AUH: variants seen among roughly 807,000 people sequenced by gnomAD.
AUH encodes the protein AU RNA binding methylglutaconyl-CoA hydratase.
In AUH, 29 loss-of-function variants were observed where a neutral mutation model predicts 42.3. The ratio of observed to expected loss-of-function variants is 0.69; its 90% CI spans 0.51 to 0.93. The LOEUF (loss-of-function observed/expected upper bound fraction) is 0.93. Ranked by LOEUF, AUH falls within the 40% of genes least tolerant of loss-of-function variation. AUH has a pLI of 0.00. For synonymous variants in AUH, 174 were observed against 166.4 expected (o/e 1.05, Z -0.35); for missense variants, 452 against 438.1 (o/e 1.03, Z -0.28).
At chr9:91,266,568 G>A (rs1829990013) in intron 6 of AUH, among the ~76,000 whole-genome samples, 1 of 152,024 alleles carries the variant, frequency 6.6e-6, no homozygotes, top group Non-Finnish European at 1.5e-5. Context: ...TGGCTCATAT[G>A]GGTAAGGATT....
chr9:91,341,470 C>A (rs1831095744), intron 3 of AUH, among the ~76,000 whole-genome samples: 1 of 152,244 alleles, frequency 6.6e-6, no homozygotes, highest in Non-Finnish European at 1.5e-5. Context: ...TTAATCTCCA[C>A]TGGTTAAATT....
intron 4 of AUH, among the ~76,000 whole-genome samples, chr9:91,321,677 G>A (rs1829585180): frequency 6.6e-6 from 1 of 152,164 alleles, no homozygotes; most frequent in South Asian, 2.1e-4. Context: ...CAGACCCACT[G>A]CCTGTTTTAG....
At chr9:91,347,537 C>T (rs182057575) in intron 3 of AUH, among the ~76,000 whole-genome samples, 1 of 152,042 alleles carries the variant, frequency 6.6e-6, no homozygotes, top group Non-Finnish European at 1.5e-5. Flanking sequence ...GACAAGCTGC[C>T]CCCCCATCCT....
chr9:91,341,757 G>C (rs571440533), intron 3 of AUH, among the ~76,000 whole-genome samples: 1 of 152,338 alleles, frequency 6.6e-6, no homozygotes, highest in East Asian at 1.9e-4. Flanking sequence ...GGGGGAGGCT[G>C]ACTGATAATC....
chr9:91,247,302 T>C (rs1375566163), intron 6 of AUH, among the ~76,000 whole-genome samples: 1 of 152,006 alleles, frequency 6.6e-6, no homozygotes, highest in African/African-American at 2.4e-5. Context: ...TAACTCTCAC[T>C]CCCCATAAAG....
chr9:91,276,290 G>A (rs1186188667), intron 6 of AUH, among the ~76,000 whole-genome samples: 2 of 152,106 alleles, frequency 1.3e-5, no homozygotes, highest in South Asian at 2.1e-4. Context: ...CATTAGCCGG[G>A]TGTGGTGGCG....
intron 6 of AUH, among the ~76,000 whole-genome samples, chr9:91,239,248 C>G (rs1399329184): frequency 6.6e-6 from 1 of 151,870 alleles, no homozygotes; most frequent in Non-Finnish European, 1.5e-5. Context: ...AACAAATCTT[C>G]CAAGTTAAAA....
intron 6 of AUH, among the ~76,000 whole-genome samples, chr9:91,249,418 A>G (rs1459771682): frequency 4.6e-5 from 7 of 151,978 alleles, no homozygotes; most frequent in Non-Finnish European, 1.0e-4. Context: ...CAAAGAAACA[A>G]TATCTCACAC....
intron 3 of AUH, among the ~76,000 whole-genome samples, chr9:91,347,866 C>G (rs1000581792): frequency 6.6e-6 from 1 of 151,356 alleles, no homozygotes; most frequent in African/African-American, 2.4e-5. Flanking sequence ...TGTATACATA[C>G]GTAACAAACC....
intron 9 of AUH, among the ~76,000 whole-genome samples, chr9:91,215,394 T>C (rs1022810957): frequency 2.6e-5 from 4 of 152,180 alleles, no homozygotes; most frequent in African/African-American, 4.8e-5. Context: ...TCCTCCTGTA[T>C]ACTTTAAATC....
intron 6 of AUH, among the ~76,000 whole-genome samples, chr9:91,271,301 C>T (rs1825104477): frequency 6.6e-6 from 1 of 152,228 alleles, no homozygotes; most frequent in African/African-American, 2.4e-5. Context: ...GTGGTATGTG[C>T]ATTTGCTTGC....
intron 6 of AUH, among the ~76,000 whole-genome samples, chr9:91,239,771 G>A (rs998631242): frequency 3.9e-5 from 6 of 151,992 alleles, no homozygotes; most frequent in Admixed American, 6.6e-5. Context: ...ACACACGCAC[G>A]CACAAGACAG....
chr9:91,308,061 C>T (rs1409518075), intron 4 of AUH, among the ~76,000 whole-genome samples: 1 of 152,180 alleles, frequency 6.6e-6, no homozygotes, highest in East Asian at 1.9e-4. Context: ...TAAACCCACA[C>T]ACAGAACAAA....
At chr9:91,273,867 C>T (rs1282316489) in intron 6 of AUH, among the ~76,000 whole-genome samples, 1 of 152,216 alleles carries the variant, frequency 6.6e-6, no homozygotes, top group Non-Finnish European at 1.5e-5. Context: ...TAATTCTGCA[C>T]AGCCATAAAA....
At chr9:91,271,170 T>C (rs1311276179) in intron 6 of AUH, among the ~76,000 whole-genome samples, 2 of 152,236 alleles carry the variant, frequency 1.3e-5, no homozygotes, top group Non-Finnish European at 2.9e-5. Flanking sequence ...AGGACATTTG[T>C]TTGTTTGCTA....
At chr9:91,296,209 C>T in intron 5 of AUH, 132 bp from the exon 6 acceptor site, 2 of 846,858 alleles carry the variant, frequency 2.4e-6, no homozygotes, top group Middle Eastern at 6.0e-4. Context: ...TAAAAAAAAT[C>T]ACTTAAAAGG....
intron 4 of AUH, among the ~76,000 whole-genome samples, chr9:91,303,440 C>G (rs1267919667): frequency 1.3e-5 from 2 of 152,116 alleles, no homozygotes; most frequent in Non-Finnish European, 2.9e-5. Context: ...ACACCATTCT[C>G]CTGCCTCAGT....
intron 6 of AUH, among the ~76,000 whole-genome samples, chr9:91,234,748 G>A (rs1235345831): frequency 1.3e-5 from 2 of 150,986 alleles, no homozygotes; most frequent in African/African-American, 4.9e-5. Flanking sequence ...TGCAGAAGGA[G>A]AGCAAAGACA....
intron 6 of AUH, chr9:91,294,859 T>C (rs1827195026): frequency 4.6e-6 from 2 of 430,920 alleles, no homozygotes; most frequent in African/African-American, 2.0e-5. Flanking sequence ...AAGACGTGAC[T>C]GAATTTCTGA....
Sources: allele counts gnomAD v4.1 joint callset (sites outside exome capture counted in the v4.1 genomes callset), GRCh38; gene constraint gnomAD v4.1.1; transcripts MANE v1.5; gene names NCBI Gene and HGNC (gene_info 2026-07-23, HGNC 2026-07-21).